MGAT4C: variants seen among roughly 807,000 people sequenced by gnomAD.
MGAT4C encodes the protein MGAT4 family member C.
MGAT4C carries 19 observed loss-of-function variants against 40.1 expected under a neutral mutation model. The ratio of observed to expected loss-of-function variants is 0.47; its 90% CI spans 0.33 to 0.70. The LOEUF is 0.70. Among genes scored for constraint, MGAT4C ranks in the 30% least tolerant of loss-of-function variants. The pLI, the probability that MGAT4C is intolerant of heterozygous loss-of-function variation, is 0.02. For missense variants in MGAT4C, 491 were observed against 563.2 expected (o/e 0.87, Z 1.30); for synonymous variants, 181 against 187.1 (o/e 0.97, Z 0.27).
chr12:86,742,907 A>G (rs1021091367), intron 1 of MGAT4C, among the ~76,000 whole-genome samples: 5 of 151,706 alleles, frequency 3.3e-5, no homozygotes, highest in Non-Finnish European at 7.4e-5. Flanking sequence ...TACACTGTAC[A>G]TACATTTGCA....
chr12:86,329,793 A>G (rs143262780), intron 4 of MGAT4C, among the ~76,000 whole-genome samples: 11 of 152,252 alleles, frequency 7.2e-5, no homozygotes, highest in Admixed American at 7.2e-4. Flanking sequence ...AAATTTCCCC[A>G]CTGTGTATCA....
At chr12:86,235,766 GAGTAGAT>G (rs1269739259) in intron 1 of MGAT4C, among the ~76,000 whole-genome samples, 1 of 152,026 alleles carries the variant, frequency 6.6e-6, no homozygotes, top group East Asian at 1.9e-4. Flanking sequence ...CCTAGCTCCT[GAGTAGAT>G]ACTTGCTTCC....
chr12:86,611,817 T>C (rs1962293346), intron 2 of MGAT4C, among the ~76,000 whole-genome samples: 1 of 152,204 alleles, frequency 6.6e-6, no homozygotes, highest in Non-Finnish European at 1.5e-5. Flanking sequence ...GATTTTACCA[T>C]TTAGAATGCA....
At chr12:86,081,359 G>C (rs553761838) in intron 1 of MGAT4C, among the ~76,000 whole-genome samples, 1 of 152,276 alleles carries the variant, frequency 6.6e-6, no homozygotes, top group African/African-American at 2.4e-5. Context: ...TCGGGAGTCT[G>C]TGATCCAAAC....
At chr12:86,483,390 A>G (rs1957967766) in intron 2 of MGAT4C, among the ~76,000 whole-genome samples, 2 of 152,284 alleles carry the variant, frequency 1.3e-5, no homozygotes, top group South Asian at 2.1e-4. Context: ...TTTAATAAAT[A>G]ACATTTTACC....
chr12:86,700,190 T>C (rs560697987), intron 2 of MGAT4C, among the ~76,000 whole-genome samples: 1,753 of 140,334 alleles, frequency 0.012, 24 homozygotes, highest in Non-Finnish European at 0.018. Context: ...GATAGATAGA[T>C]AGATAGATAG....
intron 3 of MGAT4C, among the ~76,000 whole-genome samples, chr12:86,434,879 A>G (rs1329072611): frequency 2.0e-5 from 3 of 151,920 alleles, no homozygotes; most frequent in African/African-American, 4.8e-5. Flanking sequence ...GATCTACAGT[A>G]TAAACATAAA....
chr12:86,787,744 T>A (rs1037812068), intron 1 of MGAT4C, among the ~76,000 whole-genome samples: 1 of 152,140 alleles, frequency 6.6e-6, no homozygotes, highest in Non-Finnish European at 1.5e-5. Flanking sequence ...AGTAGAATGA[T>A]GTACTTTGTA....
intron 2 of MGAT4C, among the ~76,000 whole-genome samples, chr12:86,622,094 T>C (rs112567266): frequency 0.014 from 2,120 of 152,284 alleles, 25 homozygotes; most frequent in Middle Eastern, 0.034. Context: ...TGTTTGGTAG[T>C]TTAGGTGTAT....
At chr12:86,492,936 A>C (rs1451395686) in intron 2 of MGAT4C, among the ~76,000 whole-genome samples, 3 of 152,268 alleles carry the variant, frequency 2.0e-5, no homozygotes, top group Admixed American at 6.5e-5. Context: ...CAATGAACTC[A>C]AACAAATTTA....
intron 4 of MGAT4C, among the ~76,000 whole-genome samples, chr12:86,333,458 G>C (rs1344766085): frequency 6.6e-6 from 1 of 152,098 alleles, no homozygotes; most frequent in Non-Finnish European, 1.5e-5. Flanking sequence ...CTATCCCAGA[G>C]TTGTAGCCAT....
chr12:86,748,990 T>TTG (rs1951195036), intron 1 of MGAT4C, among the ~76,000 whole-genome samples: 1 of 151,154 alleles, frequency 6.6e-6, no homozygotes, highest in Non-Finnish European at 1.5e-5. Flanking sequence ...AAAAAGTAGC[T>TTG]GACACATTGT....
upstream of MGAT4C, among the ~76,000 whole-genome samples, chr12:86,261,156 G>A (rs1952649891): frequency 6.6e-6 from 1 of 152,114 alleles, no homozygotes; most frequent in East Asian, 1.9e-4. Flanking sequence ...ACCTTGTACA[G>A]AGTAGTAGCT....
chr12:86,049,252 T>C (rs1396312012), intron 2 of MGAT4C, among the ~76,000 whole-genome samples: 2 of 151,958 alleles, frequency 1.3e-5, no homozygotes, highest in African/African-American at 4.8e-5. Context: ...AATGTTCTTG[T>C]ATTTTAGGAG....
chr12:86,143,010 A>G (rs965436325), intron 1 of MGAT4C, among the ~76,000 whole-genome samples: 2 of 152,180 alleles, frequency 1.3e-5, no homozygotes, highest in Non-Finnish European at 2.9e-5. Context: ...AAGCTGTGTA[A>G]GAACACTGCC....
intron 1 of MGAT4C, among the ~76,000 whole-genome samples, chr12:86,201,491 ATATT>A (rs1204241466): frequency 1.3e-5 from 2 of 149,338 alleles, no homozygotes; most frequent in African/African-American, 4.9e-5. Flanking sequence ...ATAATATAAA[ATATT>A]TACGTTTTAT....
intron 2 of MGAT4C, among the ~76,000 whole-genome samples, chr12:86,558,569 G>A (rs542537758): frequency 1.3e-5 from 2 of 152,068 alleles, no homozygotes; most frequent in South Asian, 4.1e-4. Flanking sequence ...CAAAAATCAA[G>A]AAGAAATAAA....
At chr12:86,693,819 T>C (rs1950210618) in intron 2 of MGAT4C, among the ~76,000 whole-genome samples, 1 of 152,194 alleles carries the variant, frequency 6.6e-6, no homozygotes, top group Non-Finnish European at 1.5e-5. Context: ...GATATAATTG[T>C]ATGCCTCATG....
At chr12:86,781,435 C>G (rs898626501) in intron 1 of MGAT4C, among the ~76,000 whole-genome samples, 2 of 152,002 alleles carry the variant, frequency 1.3e-5, no homozygotes, top group Non-Finnish European at 2.9e-5. Flanking sequence ...ATAGAAGATT[C>G]TACCAAAAAC....
Sources: allele counts gnomAD v4.1 joint callset (sites outside exome capture counted in the v4.1 genomes callset), GRCh38; gene constraint gnomAD v4.1.1; transcripts MANE v1.5; gene names NCBI Gene and HGNC (gene_info 2026-07-23, HGNC 2026-07-21).